The following ITPR2 variants were observed in gnomAD, a reference collection of about 807,000 sequenced individuals.
ITPR2 encodes the protein inositol 1,4,5-trisphosphate-gated calcium channel ITPR2.
A neutral mutation model predicts 317.1 loss-of-function variants in ITPR2; 207 were observed. The ratio of observed to expected loss-of-function variants is 0.65; its 90% CI spans 0.58 to 0.73. The LOEUF is 0.73. ITPR2 is among the 30% of genes least tolerant of loss of function. The probability of loss-of-function intolerance (pLI) is 0.00; values close to 1 mark genes in which losing one functional copy is unlikely to be tolerated. For missense variants in ITPR2, 2,613 were observed against 3,284.0 expected (o/e 0.80, Z 4.99); for synonymous variants, 1,156 against 1,149.1 (o/e 1.01, Z -0.12).
chr12:26,632,200 G>A lies in ITPR2; in HGVS notation c.2741-141C>T, dbSNP rs552875079. 1.6e-5 allele frequency: 8 copies of A among 491,602 alleles called. No homozygotes were observed. The Admixed American group carries it at 3.1e-4, about 19-fold the overall frequency. The allele number at this position is 491,602 out of a possible 1,614,324, so 30.5% of individuals were successfully genotyped here. On this transcript the variant is annotated intron_variant, in intron 21 of 56. Coordinates refer to ENST00000381340, the MANE Select transcript of ITPR2 (RefSeq NM_002223.4). ...GACAGAATAGCATAAGCATTGTTTGGGCTCTTTCTTTACAGATAAAATTAA... is the reference window on the plus strand; with the variant it reads ...GACAGAATAGCATAAGCATTGTTTGAGCTCTTTCTTTACAGATAAAATTAA...
At chr12:26,554,789 T>G (rs1168183939) in intron 36 of ITPR2, among the ~76,000 whole-genome samples, 2 of 152,156 alleles carry the variant, frequency 1.3e-5, no homozygotes, top group Admixed American at 6.5e-5. Flanking sequence ...TTTTTTTCAT[T>G]TAGTTCTTAT....
At chr12:26,591,289 T>C (rs1283120938) in intron 32 of ITPR2, among the ~76,000 whole-genome samples, 6 of 152,230 alleles carry the variant, frequency 3.9e-5, no homozygotes, top group Non-Finnish European at 8.8e-5. Flanking sequence ...GAATAGATAT[T>C]TCTCAAAAGA....
In ITPR2 at chr12:26,686,468, T is replaced by C. The variant is rs748401612; in HGVS notation, c.1148+13A>G. On this transcript the variant is annotated intron_variant, in intron 11 of 56. Coordinates refer to ENST00000381340, the MANE Select transcript of ITPR2 (RefSeq NM_002223.4). ...TATTCAAAGAAACATCTTTTAACCA[T>C]AATTTTTTTTACCTTGGAACCAGGC... 6.5e-7 allele frequency: 1 copy of C among 1,542,684 alleles called. No individual in the cohort carries two copies. Among genetic ancestry groups the C allele is most frequent in the East Asian group, 2.3e-5 (1 of 42,936 alleles).
At chr12:26,763,434 C>T (rs11835901) in intron 2 of ITPR2, among the ~76,000 whole-genome samples, 1,630 of 151,924 alleles carry the variant, frequency 0.011, 28 homozygotes, top group African/African-American at 0.035. Context: ...ATCCAAAAAA[C>T]GATGAGATGT....
intron 2 of ITPR2, among the ~76,000 whole-genome samples, chr12:26,762,957 G>T (rs542811213): frequency 6.6e-6 from 1 of 152,194 alleles, no homozygotes; most frequent in East Asian, 1.9e-4. Context: ...ACTGCTATCA[G>T]CTTAAAATAA....
chr12:26,390,234 T>C (rs558264759), intron 54 of ITPR2, among the ~76,000 whole-genome samples: 2 of 152,290 alleles, frequency 1.3e-5, no homozygotes, highest in African/African-American at 4.8e-5. Flanking sequence ...AGAGTTACCA[T>C]ATAACTAAGC....
chr12:26,623,650 G>A (rs1457176953), intron 24 of ITPR2, among the ~76,000 whole-genome samples: 1 of 152,184 alleles, frequency 6.6e-6, no homozygotes, highest in Non-Finnish European at 1.5e-5. Flanking sequence ...AAAGACTACT[G>A]TACAGACTGT....
In ITPR2 at chr12:26,352,261, C is replaced by T. The variant is rs1243668334; in HGVS notation, c.7858-11933G>A. ...ACAGATGCCAAGAAGCAAAACAGTA[C>T]AGAATTCTTTCCATTCACGGTAGTT... On this transcript the variant is annotated intron_variant, in intron 55 of 56. Transcript: ENST00000381340. 2.6e-5 allele frequency among the ~76,000 whole-genome samples: 4 copies of T among 152,230 alleles called. No individual in the cohort carries two copies. The East Asian group carries it at 7.7e-4, about 29-fold the overall frequency.
intron 17 of ITPR2, 29 bp from the exon 18 acceptor site, chr12:26,657,921 T>C (rs1947411196): frequency 6.2e-7 from 1 of 1,607,814 alleles, no homozygotes; most frequent in South Asian, 1.1e-5. Context: ...TACAAAAATC[T>C]ACTAAAAAGT....
intron 23 of ITPR2, among the ~76,000 whole-genome samples, chr12:26,625,882 G>A (rs1270699566): frequency 2.0e-5 from 3 of 150,910 alleles, no homozygotes; most frequent in Admixed American, 6.6e-5. Context: ...TTTTTTCTAC[G>A]TGAACCAATC....
intron 55 of ITPR2, among the ~76,000 whole-genome samples, chr12:26,358,556 A>C (rs1163857247): frequency 6.6e-6 from 1 of 152,018 alleles, no homozygotes; most frequent in African/African-American, 2.4e-5. Flanking sequence ...GAAATCCATC[A>C]TCCCGGCTGT....
intron 1 of ITPR2, among the ~76,000 whole-genome samples, chr12:26,823,483 T>C (rs936224440): frequency 2.6e-5 from 4 of 152,208 alleles, no homozygotes; most frequent in Non-Finnish European, 5.9e-5. Flanking sequence ...TCCATTGAGA[T>C]AATAATTAAA....
chr12:26,365,208 G>C (rs1938967644), intron 55 of ITPR2, among the ~76,000 whole-genome samples: 1 of 152,120 alleles, frequency 6.6e-6, no homozygotes, highest in African/African-American at 2.4e-5. Flanking sequence ...GAGGACCTGA[G>C]GAAAGGAAAA....
At chr12:26,350,516 C>T (rs1043556107) in intron 55 of ITPR2, among the ~76,000 whole-genome samples, 10 of 152,244 alleles carry the variant, frequency 6.6e-5, no homozygotes, top group Admixed American at 1.3e-4. Context: ...TCTTCAAGAC[C>T]TACCTCTCCC....
chr12:26,576,281 C>T (rs1306227606), intron 34 of ITPR2, among the ~76,000 whole-genome samples: 1 of 152,196 alleles, frequency 6.6e-6, no homozygotes, highest in East Asian at 1.9e-4. Context: ...CATCATCCAT[C>T]CACCACTCAG....
intron 13 of ITPR2, among the ~76,000 whole-genome samples, chr12:26,669,342 C>T (rs960331041): frequency 6.6e-6 from 1 of 151,600 alleles, no homozygotes; most frequent in African/African-American, 2.4e-5. Flanking sequence ...ATAAAAGTTC[C>T]AAAAGACAGA....
At chr12:26,622,109 T>C in intron 25 of ITPR2, 131 bp downstream of exon 25, 2 of 700,450 alleles carry the variant, frequency 2.9e-6, no homozygotes, top group Non-Finnish European at 4.4e-6. Context: ...CATGTCTCTG[T>C]TTAAAAATAG....
intron 21 of ITPR2, among the ~76,000 whole-genome samples, chr12:26,642,800 T>C (rs1947023573): frequency 6.6e-6 from 1 of 152,154 alleles, no homozygotes; most frequent in Non-Finnish European, 1.5e-5. Context: ...CCAAAATGTT[T>C]CCAATCAGGG....
chr12:26,801,490 C>T (rs777264164), intron 1 of ITPR2, among the ~76,000 whole-genome samples: 4 of 152,162 alleles, frequency 2.6e-5, no homozygotes, highest in Non-Finnish European at 4.4e-5. Flanking sequence ...AAGATGCTGA[C>T]CATACCACCT....
Sources: gnomAD v4.1 joint callset for allele counts (sites outside exome capture counted in the v4.1 genomes callset) on GRCh38, gnomAD v4.1.1 for gene constraint, MANE v1.5 for transcripts, NCBI Gene and HGNC (gene_info 2026-07-23, HGNC 2026-07-21) for gene names.